Variants in CCDC171 observed in about 807,000 individuals in gnomAD.
CCDC171 encodes the protein coiled-coil domain-containing protein 171.
A neutral mutation model predicts 168.2 loss-of-function variants in CCDC171; 177 were observed. The observed-to-expected ratio is 1.05, with a 90% CI of 0.93 to 1.19. CCDC171 has a LOEUF of 1.19. Ranked by LOEUF, CCDC171 falls within the 50% of genes most tolerant of loss-of-function variation. CCDC171 has a pLI of 0.00. For synonymous variants in CCDC171, 687 were observed against 540.8 expected (o/e 1.27, Z -3.75); for missense variants, 1,991 against 1,539.0 (o/e 1.29, Z -4.91).
chr9:15,605,851 T>A (rs914618633), intron 6 of CCDC171, among the ~76,000 whole-genome samples: 1 of 152,134 alleles, frequency 6.6e-6, no homozygotes, highest in Non-Finnish European at 1.5e-5. Context: ...TTTGCCTCCA[T>A]CTTTTGATGT....
In CCDC171 at chr9:15,809,974, G is replaced by A. The variant is rs149760340; in HGVS notation, c.3267+25280G>A. Among the ~76,000 whole-genome samples the A allele has an allele frequency of 1.0e-3, 159 of 152,288 alleles. 1 individual carries two copies. The highest frequency in any genetic ancestry group is 3.6e-3 in the African/African-American group (151 of 41,554). On this transcript the variant is annotated intron_variant, in intron 21 of 25. Transcript: ENST00000380701. ...GCTGATTGGTCCGTTTTGACAGGGT[G>A]CCGATTGGTGCATTTACAAACCTTT...
intron 21 of CCDC171, among the ~76,000 whole-genome samples, chr9:15,836,735 T>C (rs1048300733): frequency 6.6e-6 from 1 of 152,206 alleles, no homozygotes; most frequent in East Asian, 1.9e-4. Flanking sequence ...TCACATTTCA[T>C]TGGTCAAAGC....
At chr9:15,882,996 T>G (rs57125663) in intron 24 of CCDC171, 1,872 of 6,074 alleles carry the variant, frequency 0.31, 247 homozygotes, top group East Asian at 0.46. Flanking sequence ...CTGCCTGCCT[T>G]CCTTCCTTCC....
At chr9:15,945,920 A>C (rs1828310958) in intron 25 of CCDC171, among the ~76,000 whole-genome samples, 2 of 150,302 alleles carry the variant, frequency 1.3e-5, no homozygotes, top group Admixed American at 1.3e-4. Context: ...TTTGGTTGCC[A>C]TTGCTTTTGG....
chr9:15,987,129 G>GA (rs1832014981), intron 3 of CCDC171, among the ~76,000 whole-genome samples: 2 of 151,884 alleles, frequency 1.3e-5, no homozygotes, highest in Admixed American at 1.3e-4. Flanking sequence ...AGAAACTATT[G>GA]AAAAAAATTT....
At chr9:15,980,529 A>G (rs945439213) in intron 3 of CCDC171, among the ~76,000 whole-genome samples, 1 of 152,012 alleles carries the variant, frequency 6.6e-6, no homozygotes, top group Non-Finnish European at 1.5e-5. Context: ...CATGCTTTAT[A>G]ATTAGGGTTT....
chr9:16,103,490 G>A, the CCDC171 span, among the ~76,000 whole-genome samples: 1 of 152,254 alleles, frequency 6.6e-6, no homozygotes, highest in Non-Finnish European at 1.5e-5. Context: ...GTAAAAGCAA[G>A]TGATGGGCAA....
intron 22 of CCDC171, among the ~76,000 whole-genome samples, chr9:15,847,689 T>C (rs1245249303): frequency 1.3e-5 from 2 of 152,130 alleles, no homozygotes; most frequent in African/African-American, 4.8e-5. Flanking sequence ...ATACGTTAAA[T>C]ATTTTTTGAG....
At chr9:15,848,407 C>A (rs570818493) in intron 22 of CCDC171, among the ~76,000 whole-genome samples, 111 of 151,860 alleles carry the variant, frequency 7.3e-4, no homozygotes, top group Admixed American at 1.4e-3. Context: ...GAAGAGTTTT[C>A]TGTGTAATTA....
intron 24 of CCDC171, among the ~76,000 whole-genome samples, chr9:15,905,098 C>T (rs1346910029): frequency 6.6e-6 from 1 of 152,170 alleles, no homozygotes; most frequent in Non-Finnish European, 1.5e-5. Flanking sequence ...CCACTGTCAA[C>T]ATTAGACAGA....
chr9:16,044,393 G>A (rs943664719), intron 1 of CCDC171, among the ~76,000 whole-genome samples: 2 of 151,266 alleles, frequency 1.3e-5, no homozygotes, highest in African/African-American at 4.9e-5. Flanking sequence ...GATATACTAG[G>A]TTTTTTTTCT....
intron 13 of CCDC171, among the ~76,000 whole-genome samples, chr9:15,724,518 G>C (rs1411185059): frequency 2.6e-5 from 4 of 152,108 alleles, no homozygotes; most frequent in Non-Finnish European, 5.9e-5. Flanking sequence ...TCCCTTGGAA[G>C]AACTTTTTGG....
In CCDC171 at chr9:15,599,003, G is replaced by A. The variant is rs1029853380; in HGVS notation, c.675+4831G>A. 4.7e-4 allele frequency among the ~76,000 whole-genome samples: 72 copies of A among 152,152 alleles called. 1 individual carries two copies. Among genetic ancestry groups the A allele is most frequent in the African/African-American group, 1.6e-3 (67 of 41,526 alleles). ...CTTTTTTGTTTTCCATTTGCTTGGT[G>A]GATCTTCCTCCATCGCTTTATTTTG... is the stretch of plus-strand genomic sequence containing the variant. On this transcript the variant is annotated intron_variant, in intron 6 of 25. Coordinates refer to ENST00000380701, the MANE Select transcript of CCDC171 (RefSeq NM_173550.4).
chr9:16,020,780 A>G (rs947750080), exon 4 of CCDC171: 1 of 154,298 alleles, frequency 6.5e-6, no homozygotes. Flanking sequence ...ACATTTCATC[A>G]TGTGCCTCCG....
intron 16 of CCDC171, among the ~76,000 whole-genome samples, chr9:15,733,041 G>A (rs994987224): frequency 4.0e-5 from 6 of 151,850 alleles, no homozygotes; most frequent in Non-Finnish European, 7.4e-5. Flanking sequence ...TTGTGATTTC[G>A]ATTTACATTT....
chr9:15,840,074 A>C (rs2060613043), intron 21 of CCDC171, among the ~76,000 whole-genome samples: 1 of 152,162 alleles, frequency 6.6e-6, no homozygotes. Flanking sequence ...ATGGCCATTT[A>C]AATTCTGTAG....
intron 25 of CCDC171, among the ~76,000 whole-genome samples, chr9:15,942,654 C>G (rs575509579): frequency 7.2e-5 from 11 of 151,892 alleles, no homozygotes; most frequent in Non-Finnish European, 1.3e-4. Flanking sequence ...AAGAAATATT[C>G]TTTTAAGTTC....
chr9:15,560,750 C>A (rs191443810), intron 1 of CCDC171, among the ~76,000 whole-genome samples: 2 of 152,104 alleles, frequency 1.3e-5, no homozygotes, highest in African/African-American at 4.8e-5. Context: ...AAAGTCATTC[C>A]CAGTCCAGCT....
intron 6 of CCDC171, among the ~76,000 whole-genome samples, chr9:15,621,121 C>T (rs1333554372): frequency 6.6e-6 from 1 of 152,064 alleles, no homozygotes; most frequent in Non-Finnish European, 1.5e-5. Context: ...TGTGCGCCAC[C>T]ACATCTGGCT....
Sources: gnomAD v4.1 joint callset for allele counts (sites outside exome capture counted in the v4.1 genomes callset) on GRCh38, gnomAD v4.1.1 for gene constraint, MANE v1.5 for transcripts, NCBI Gene and HGNC (gene_info 2026-07-23, HGNC 2026-07-21) for gene names.